KCNJ1: variants seen among roughly 807,000 people sequenced by gnomAD.
KCNJ1 encodes ATP-sensitive inward rectifier potassium channel 1.
KCNJ1 carries 24 observed loss-of-function variants against 21.9 expected under a neutral mutation model. The observed-to-expected ratio is 1.10, with a 90% CI of 0.79 to 1.54. The LOEUF (loss-of-function observed/expected upper bound fraction) is 1.54, where lower values mean the gene tolerates loss of function less well. KCNJ1 is among the 40% of genes most tolerant of loss of function. The probability of loss-of-function intolerance (pLI) is 0.00; values close to 1 mark genes in which losing one functional copy is unlikely to be tolerated. For synonymous variants in KCNJ1, 152 were observed against 160.9 expected (o/e 0.94, Z 0.42); for missense variants, 457 against 455.4 (o/e 1.00, Z -0.03).
At chr11:128,846,230 C>T (rs1275039936) in intron 2 of KCNJ1, among the ~76,000 whole-genome samples, 1 of 152,154 alleles carries the variant, frequency 6.6e-6, no homozygotes, top group Non-Finnish European at 1.5e-5. Flanking sequence ...AACCACTGAC[C>T]TTTGCTGATA....
At chr11:128,859,884 G>A (rs556914303) in intron 1 of KCNJ1, among the ~76,000 whole-genome samples, 2 of 152,390 alleles carry the variant, frequency 1.3e-5, no homozygotes, top group South Asian at 4.1e-4. Context: ...GAAAGAAACA[G>A]TAACTAGAAG....
Position 128,839,996 on chromosome 11 carries a change from A to G in KCNJ1, c.248T>C (p.Val83Ala). 2 of 1,614,100 alleles carry G rather than the reference A, an allele frequency of 1.2e-6. No individual in the cohort carries two copies. Among genetic ancestry groups the G allele is most frequent in the Non-Finnish European group, 1.7e-6 (2 of 1,180,004 alleles). The change falls in exon 3 of 3, where the codon GTA becomes GCA. Residue 83 changes from valine to alanine, a missense_variant. Physicochemically the swap from Val to Ala is moderately conservative, Grantham distance 64 (BLOSUM62 0). Coordinates refer to ENST00000392666, the MANE Select transcript of KCNJ1 (RefSeq NM_153766.3). ...WFFFGLLWYA[V>A]AYIHKDLPEF... The stretch of plus-strand genomic sequence containing the variant: ...CGGGAGGTCTTTGTGAATGTACGCT[A>G]CTGCATACCACAGGAGACCAAAGAA...
intron 1 of KCNJ1, among the ~76,000 whole-genome samples, chr11:128,855,295 A>G (rs1943568003): frequency 6.6e-6 from 1 of 151,970 alleles, no homozygotes; most frequent in Non-Finnish European, 1.5e-5. Flanking sequence ...TTTTTCCCCA[A>G]CATCATTTGA....
At position 128,839,381 on chromosome 11, in the gene KCNJ1, G is replaced by A. The variant is rs768476756; in HGVS notation, c.863C>T (p.Thr288Ile). The A allele has an allele frequency of 5.6e-6, 9 of 1,614,178 alleles. No individual in the cohort carries two copies. The highest frequency in any genetic ancestry group is 7.6e-6 in the Non-Finnish European group (9 of 1,180,026). ...LDGTVESTSA[T>I]CQVRTSYVPE... ...GACATAGGATGTCCGGACTTGGCAG[G>A]TAGCACTGGTGGACTCCACTGTGCC... Residue 288 changes from threonine (T) to isoleucine (I), a missense_variant, in exon 3 of 3, where the codon ACC becomes ATC. Transcript: ENST00000392666.
At chr11:128,841,370 T>C (rs185506819) in intron 2 of KCNJ1, among the ~76,000 whole-genome samples, 2 of 152,340 alleles carry the variant, frequency 1.3e-5, no homozygotes, top group East Asian at 1.9e-4. Flanking sequence ...ATGAATTACA[T>C]TTTTCAAAAT....
intron 1 of KCNJ1, among the ~76,000 whole-genome samples, chr11:128,861,701 C>T (rs1403747311): frequency 6.6e-6 from 1 of 152,108 alleles, no homozygotes; most frequent in Non-Finnish European, 1.5e-5. Flanking sequence ...AGCCCCGTGC[C>T]CTGCCTGTCG....
chr11:128,850,155 A>G (rs1028997539), intron 2 of KCNJ1, among the ~76,000 whole-genome samples: 2 of 151,694 alleles, frequency 1.3e-5, no homozygotes, highest in African/African-American at 4.8e-5. Context: ...TCGGCTGGAA[A>G]CCCTTGGAGC....
intron 2 of KCNJ1, among the ~76,000 whole-genome samples, chr11:128,843,949 C>A (rs1148059): frequency 0.18 from 27,923 of 151,982 alleles, 2,742 homozygotes; most frequent in East Asian, 0.35. Flanking sequence ...GTGATGAATG[C>A]CAGGATATGA....
intron 2 of KCNJ1, among the ~76,000 whole-genome samples, chr11:128,850,065 C>T (rs1208015299): frequency 3.4e-5 from 5 of 146,726 alleles, no homozygotes; most frequent in East Asian, 2.3e-4. Flanking sequence ...AAGGACACAT[C>T]GGAGGGCCCC....
chr11:128,858,253 AGGAAATGCAT>A (rs1394243468), intron 1 of KCNJ1, among the ~76,000 whole-genome samples: 1 of 151,904 alleles, frequency 6.6e-6, no homozygotes, highest in Non-Finnish European at 1.5e-5. Context: ...TGAAGAGACA[AGGAAATGCAT>A]GCTACAGACC....
intron 2 of KCNJ1, among the ~76,000 whole-genome samples, chr11:128,845,141 G>A (rs1324768192): frequency 6.6e-6 from 1 of 152,248 alleles, no homozygotes; most frequent in Non-Finnish European, 1.5e-5. Flanking sequence ...TTATGGGGCA[G>A]AGCCCCTTCC....
At chr11:128,857,773 A>G (rs1943615287) in intron 1 of KCNJ1, among the ~76,000 whole-genome samples, 1 of 152,198 alleles carries the variant, frequency 6.6e-6, no homozygotes, top group South Asian at 2.1e-4. Context: ...TGCCTGTGCA[A>G]TGGCTCAGGA....
At chr11:128,847,803 A>G (rs1203119411) in intron 2 of KCNJ1, among the ~76,000 whole-genome samples, 1 of 152,168 alleles carries the variant, frequency 6.6e-6, no homozygotes, top group Non-Finnish European at 1.5e-5. Flanking sequence ...TCAGAAATCA[A>G]TGCTTTGGAA....
chr11:128,857,645 G>A (rs1199163037), intron 1 of KCNJ1, among the ~76,000 whole-genome samples: 1 of 152,202 alleles, frequency 6.6e-6, no homozygotes, highest in African/African-American at 2.4e-5. Context: ...CTAAGTTGTA[G>A]CTGAGCTAGT....
In KCNJ1 at chr11:128,839,593, A is replaced by G; in HGVS notation, c.651T>C (p.Thr217=). 2 of 1,614,144 alleles carry G rather than the reference A, an allele frequency of 1.2e-6. No individual in the cohort carries two copies. The highest frequency in any genetic ancestry group is 1.7e-6 in the Non-Finnish European group (2 of 1,180,012). The change falls in exon 3 of 3, where the codon ACT becomes ACC. Residue 217 remains threonine (T), a synonymous_variant. Coordinates refer to ENST00000392666, the MANE Select transcript of KCNJ1 (RefSeq NM_153766.3). ...IYGKLLKTTV[T]PEGETIILDQ... The stretch of plus-strand genomic sequence containing the variant: ...CCAAAATAATGGTCTCTCCTTCAGG[A>G]GTGACTGTGGTCTTCAGAAGCTTTC...
chr11:128,842,504 C>A lies in KCNJ1; in HGVS notation c.-21-2240G>T, dbSNP rs563887456. ...TAGACTCAGCCTAATTTATTGTAGG[C>A]GACAGTCAGTGGACTGACGCTAATT... On this transcript the variant is annotated intron_variant, in intron 2 of 2. Coordinates refer to ENST00000392666, the MANE Select transcript of KCNJ1 (RefSeq NM_153766.3). The A allele has an allele frequency of 3.7e-6, 6 of 1,607,384 alleles. No individual in the cohort carries two copies. In the Middle Eastern group the frequency reaches 5.0e-4, roughly 133 times the overall value.
intron 1 of KCNJ1, among the ~76,000 whole-genome samples, chr11:128,854,248 G>A (rs576704139): frequency 6.8e-4 from 103 of 152,252 alleles, no homozygotes; most frequent in African/African-American, 2.3e-3. Flanking sequence ...CTGGGAGCTC[G>A]GTTTCTTTTC....
intron 1 of KCNJ1, among the ~76,000 whole-genome samples, chr11:128,857,172 T>C (rs763000762): frequency 3.3e-5 from 5 of 152,204 alleles, no homozygotes; most frequent in Non-Finnish European, 7.4e-5. Context: ...TGCTCCGCTC[T>C]AGGCCTTCCC....
At chr11:128,842,505 G>T (rs958102992) in intron 2 of KCNJ1, 4 of 1,607,246 alleles carry the variant, frequency 2.5e-6, no homozygotes, top group South Asian at 2.2e-5. Context: ...TATTGTAGGC[G>T]ACAGTCAGTG....
Sources: allele counts gnomAD v4.1 joint callset (sites outside exome capture counted in the v4.1 genomes callset), GRCh38; gene constraint gnomAD v4.1.1; transcripts MANE v1.5; gene names NCBI Gene and HGNC (gene_info 2026-07-23, HGNC 2026-07-21).